TRIQK: variants seen among roughly 807,000 people sequenced by gnomAD.
TRIQK encodes triple QxxK/R motif-containing protein.
Under a neutral mutation model 10.8 loss-of-function variants are expected in TRIQK, and 10 were observed. The observed-to-expected ratio is 0.92, with a 90% confidence interval of 0.57 to 1.57. TRIQK has a LOEUF of 1.57. Among genes scored for constraint, TRIQK ranks in the 40% most tolerant of loss-of-function variants. The pLI, the probability that TRIQK is intolerant of heterozygous loss-of-function variation, is 0.00. For synonymous variants in TRIQK, 33 were observed against 33.7 expected (o/e 0.98, Z 0.07); for missense variants, 107 against 97.7 (o/e 1.09, Z -0.40).
intron 2 of TRIQK, among the ~76,000 whole-genome samples, chr8:92,921,065 G>T (rs972057918): frequency 1.3e-5 from 2 of 151,698 alleles, no homozygotes; most frequent in Admixed American, 6.6e-5. Context: ...AATGACTCCT[G>T]TGGCTGTTTT....
intron 2 of TRIQK, among the ~76,000 whole-genome samples, chr8:92,919,861 T>C (rs555293398): frequency 2.0e-4 from 30 of 151,808 alleles, no homozygotes; most frequent in Non-Finnish European, 3.7e-4. Flanking sequence ...TGTTTAATCT[T>C]GATAGGTTTT....
intron 1 of TRIQK, among the ~76,000 whole-genome samples, chr8:92,995,428 G>C (rs1563674650): frequency 6.6e-6 from 1 of 151,972 alleles, no homozygotes; most frequent in African/African-American, 2.4e-5. Flanking sequence ...GGTATTCAGT[G>C]AGCCTTTTCA....
intron 1 of TRIQK, chr8:92,963,865 C>G (rs1361360123): frequency 6.6e-6 from 1 of 150,862 alleles, no homozygotes; most frequent in African/African-American, 2.4e-5. Flanking sequence ...TGCACTCCAG[C>G]CTGGGCAACA....
rs376176545 is a variant in TRIQK, at chr8:92,927,750, G to T, written c.-21-10740C>A. ...AGACTCAGTTAGAAAGACTGAGAAG[G>T]GACCTGGATGTCCATAGATAAACAG... On this transcript the variant is annotated intron_variant, in intron 2 of 4. Coordinates refer to ENST00000521988, the MANE Select transcript of TRIQK (RefSeq NM_001171797.2). Among the ~76,000 whole-genome samples the T allele has an allele frequency of 2.0e-4, 31 of 152,240 alleles. No individual in the cohort carries two copies. In the East Asian group the frequency reaches 5.2e-3, roughly 26 times the overall value.
intron 1 of TRIQK, among the ~76,000 whole-genome samples, chr8:92,972,345 T>C (rs569415692): frequency 2.0e-5 from 3 of 152,342 alleles, no homozygotes; most frequent in African/African-American, 7.2e-5. Context: ...ATTTATACTT[T>C]CCTTTTTTTA....
intron 4 of TRIQK, among the ~76,000 whole-genome samples, chr8:92,887,260 T>C (rs1176919669): frequency 1.3e-5 from 2 of 151,434 alleles, no homozygotes; most frequent in Non-Finnish European, 3.0e-5. Context: ...AAATGTGACT[T>C]TGTTGAAACT....
upstream of TRIQK, among the ~76,000 whole-genome samples, chr8:92,968,014 G>C (rs1285345796): frequency 6.6e-6 from 1 of 151,824 alleles, no homozygotes; most frequent in Admixed American, 6.6e-5. Context: ...ACATATGTAA[G>C]ATATTATACA....
intron 2 of TRIQK, among the ~76,000 whole-genome samples, chr8:92,921,261 A>G (rs1315558140): frequency 1.3e-5 from 2 of 151,648 alleles, no homozygotes; most frequent in African/African-American, 2.4e-5. Context: ...TAAATGCTAG[A>G]TGTTTAGGTT....
At chr8:92,940,366 T>C (rs774640890) in intron 2 of TRIQK, among the ~76,000 whole-genome samples, 26 of 146,964 alleles carry the variant, frequency 1.8e-4, no homozygotes, top group Admixed American at 1.0e-3. Flanking sequence ...CAACTGTATA[T>C]ACTGTCTGCA....
chr8:92,940,526 C>G (rs1006044519), intron 2 of TRIQK, among the ~76,000 whole-genome samples: 4 of 151,848 alleles, frequency 2.6e-5, no homozygotes, highest in African/African-American at 7.3e-5. Context: ...ATAAAAGAGA[C>G]AAAGAAGGTC....
In TRIQK at chr8:92,884,728, C is replaced by T. The variant is rs1181675524; in HGVS notation, c.*1894G>A. On this transcript the variant is annotated 3_prime_UTR_variant, in exon 5 of 5. Coordinates refer to ENST00000521988, the MANE Select transcript of TRIQK (RefSeq NM_001171797.2). The stretch of plus-strand genomic sequence containing the variant: ...TATCTAATAAGCAATTATTACATAT[C>T]CTCTCATTTAAATTACCACTGAAAA... 1 of 411,656 alleles carries T rather than the reference C, an allele frequency of 2.4e-6. No homozygotes were observed. The highest frequency in any genetic ancestry group is 4.9e-6 in the Non-Finnish European group (1 of 204,912). The allele number at this position is 411,656 out of a possible 1,614,324, so 25.5% of individuals were successfully genotyped here.
chr8:93,015,823 G>A (rs932015995), intron 1 of TRIQK, among the ~76,000 whole-genome samples: 1 of 151,900 alleles, frequency 6.6e-6, no homozygotes, highest in African/African-American at 2.4e-5. Context: ...CCTCCTGGAA[G>A]CATTATGGGG....
intron 1 of TRIQK, among the ~76,000 whole-genome samples, chr8:93,000,796 CA>C (rs1210758143): frequency 7.3e-6 from 1 of 137,224 alleles, no homozygotes; most frequent in Non-Finnish European, 1.6e-5. Context: ...GTGGTAACCA[CA>C]AAAAAAATTA....
intron 2 of TRIQK, among the ~76,000 whole-genome samples, chr8:92,928,630 T>G (rs1021873951): frequency 1.3e-5 from 2 of 152,204 alleles, no homozygotes; most frequent in African/African-American, 4.8e-5. Flanking sequence ...ATTGATTATC[T>G]TTTTAACAAG....
chr8:92,889,987 A>G lies in TRIQK; in HGVS notation c.147+2002T>C, dbSNP rs1248374989. Among the ~76,000 whole-genome samples, 27 of 151,826 alleles carry G rather than the reference A, an allele frequency of 1.8e-4. No individual in the cohort carries two copies. The Admixed American group carries it at 1.8e-3, about 10-fold the overall frequency. On this transcript the variant is annotated intron_variant, in intron 4 of 4. Transcript: ENST00000521988. ...ATGTAGTAAAGTGATAAGATATCAC[A>G]ATATTATGGTCATTCTATATCAACT...
chr8:92,957,607 G>C (rs1201410688), intron 1 of TRIQK, among the ~76,000 whole-genome samples: 1 of 151,820 alleles, frequency 6.6e-6, no homozygotes, highest in Non-Finnish European at 1.5e-5. Flanking sequence ...TCTAAGCAAA[G>C]AAAATCTAAA....
chr8:92,896,107 G>A (rs1186644374), intron 3 of TRIQK, among the ~76,000 whole-genome samples: 5 of 152,146 alleles, frequency 3.3e-5, no homozygotes, highest in Non-Finnish European at 7.4e-5. Context: ...GATCTTAAGG[G>A]CAACATCTCC....
intron 1 of TRIQK, chr8:92,974,489 G>A (rs752591069): frequency 2.6e-5 from 4 of 152,202 alleles, no homozygotes; most frequent in Non-Finnish European, 5.9e-5. Context: ...TTGACTATAA[G>A]TCCTGAAACA....
chr8:92,959,588 C>G (rs948223716), intron 1 of TRIQK, among the ~76,000 whole-genome samples: 3 of 151,712 alleles, frequency 2.0e-5, no homozygotes, highest in Non-Finnish European at 4.4e-5. Flanking sequence ...TCTTTTTCCT[C>G]AAAAGGAAAC....
Sources: allele counts gnomAD v4.1 joint callset (sites outside exome capture counted in the v4.1 genomes callset), GRCh38; gene constraint gnomAD v4.1.1; transcripts MANE v1.5; gene names NCBI Gene and HGNC (gene_info 2026-07-23, HGNC 2026-07-21).